PCDHA9: variants seen among roughly 807,000 people sequenced by gnomAD.
PCDHA9 encodes protocadherin alpha-9.
In PCDHA9, 62 loss-of-function variants were observed where a neutral mutation model predicts 62.0. The ratio of observed to expected loss-of-function variants is 1.00; its 90% confidence interval spans 0.81 to 1.23. The LOEUF is 1.23. Among genes scored for constraint, PCDHA9 ranks in the 50% most tolerant of loss-of-function variants. The pLI is 0.00. For synonymous variants in PCDHA9, 557 were observed against 567.6 expected, an observed-to-expected ratio of 0.98 and a Z score of 0.27; for missense variants, 1,205 against 1,249.8, an observed-to-expected ratio of 0.96 and a Z score of 0.54.
At chr5:140,967,046 C>T in intron 1 of PCDHA9, 1 of 1,612,334 alleles carries the variant, frequency 6.2e-7, no homozygotes, top group African/African-American at 1.3e-5. Context: ...GGAGCTGGAC[C>T]TGACGAGTGG....
chr5:140,906,021 A>G (rs1422492231), intron 1 of PCDHA9, among the ~76,000 whole-genome samples: 1 of 152,182 alleles, frequency 6.6e-6, no homozygotes, highest in African/African-American at 2.4e-5. Context: ...TAATCTCTCC[A>G]CGTTCTTCTG....
intron 1 of PCDHA9, chr5:140,968,973 C>T (rs1404110882): frequency 4.3e-6 from 7 of 1,614,076 alleles, no homozygotes; most frequent in African/African-American, 2.7e-5. Flanking sequence ...CGCTACACTG[C>T]GTATGGCACT....
intron 1 of PCDHA9, chr5:140,966,954 G>T (rs782541612): frequency 6.2e-7 from 1 of 1,601,606 alleles, no homozygotes; most frequent in Non-Finnish European, 8.5e-7. Flanking sequence ...AACGTGGCTC[G>T]CGCGCTGGGG....
At chr5:140,869,849 T>C in intron 1 of PCDHA9, 3 of 1,611,006 alleles carry the variant, frequency 1.9e-6, no homozygotes, top group African/African-American at 1.3e-5. Context: ...GAATATAAGG[T>C]GAGCCTTATG....
intron 1 of PCDHA9, among the ~76,000 whole-genome samples, chr5:140,915,886 T>G (rs1259377999): frequency 2.6e-5 from 4 of 152,186 alleles, no homozygotes; most frequent in Admixed American, 6.5e-5. Flanking sequence ...GGGTAGCAAG[T>G]TCCCCCTGGC....
chr5:140,890,452 G>A (rs72800989), intron 1 of PCDHA9, among the ~76,000 whole-genome samples: 2,230 of 151,860 alleles, frequency 0.015, 28 homozygotes, highest in Non-Finnish European at 0.022. Context: ...GATATCTTTA[G>A]GCACAAATAT....
intron 1 of PCDHA9, among the ~76,000 whole-genome samples, chr5:140,889,199 T>C (rs1399579598): frequency 1.3e-5 from 2 of 151,896 alleles, no homozygotes; most frequent in African/African-American, 4.8e-5. Context: ...ATAACTTGAA[T>C]ACTTAACAAA....
chr5:140,855,898 G>A (rs1376080339), intron 1 of PCDHA9: 3 of 1,069,996 alleles, frequency 2.8e-6, no homozygotes, highest in African/African-American at 1.6e-5. Context: ...AAAGGCATCA[G>A]CCAGTTTCTC....
At chr5:140,883,466 A>G (rs782104317) in intron 1 of PCDHA9, 43 of 1,614,010 alleles carry the variant, frequency 2.7e-5, no homozygotes, top group Non-Finnish European at 3.5e-5. Context: ...GCTGGTGTCC[A>G]CCTACAAGAA....
intron 1 of PCDHA9, chr5:140,877,657 G>A: frequency 6.2e-7 from 1 of 1,613,570 alleles, no homozygotes; most frequent in Non-Finnish European, 8.5e-7. Flanking sequence ...GCCGCCCACC[G>A]TGAGCCGGTG....
chr5:140,997,123 A>T (rs1409528818), intron 3 of PCDHA9, among the ~76,000 whole-genome samples: 1 of 152,070 alleles, frequency 6.6e-6, no homozygotes, highest in African/African-American at 2.4e-5. Flanking sequence ...TCCCACATAC[A>T]CAATGCCCCC....
chr5:140,858,015 C>T lies in PCDHA9; in HGVS notation c.2394+7126C>T, dbSNP rs781847343. ...GTGCTGGTGAAGGACCATGGCGAGC[C>T]GTCGCTGACGGCCACGGCCACTGTG... On this transcript the variant is annotated intron_variant, in intron 1 of 3. Transcript: ENST00000532602. The T allele has an allele frequency of 2.6e-5, 41 of 1,596,884 alleles. 4 individuals carry two copies. Among genetic ancestry groups the T allele is most frequent in the South Asian group, 1.2e-4 (11 of 90,482 alleles).
intron 1 of PCDHA9, chr5:140,851,996 G>C: frequency 1.0e-6 from 1 of 976,024 alleles, no homozygotes; most frequent in Non-Finnish European, 1.2e-6. Flanking sequence ...CTATTTGTTT[G>C]TTTTCTAATT....
At chr5:140,857,489 G>A (rs1168742927) in intron 1 of PCDHA9, 3 of 1,598,334 alleles carry the variant, frequency 1.9e-6, no homozygotes, top group African/African-American at 1.3e-5. Context: ...TGCGTGGGAC[G>A]CGGACGCGCA....
At chr5:140,995,570 A>G (rs186345842) in intron 3 of PCDHA9, among the ~76,000 whole-genome samples, 1 of 152,210 alleles carries the variant, frequency 6.6e-6, no homozygotes, top group African/African-American at 2.4e-5. Flanking sequence ...ATATGTCAAG[A>G]TGAGCTATGA....
intron 1 of PCDHA9, chr5:140,968,823 A>T (rs569036779): frequency 1.2e-6 from 2 of 1,614,192 alleles, no homozygotes; most frequent in Non-Finnish European, 8.5e-7. Context: ...AGGGTTTCCA[A>T]AATCCTCCCT....
intron 1 of PCDHA9, chr5:140,866,668 AT>A (rs2049485821): frequency 1.3e-5 from 2 of 152,156 alleles, no homozygotes; most frequent in African/African-American, 2.4e-5. Flanking sequence ...TCAAGAAATA[AT>A]AGCACTAGGT....
chr5:140,897,877 C>T (rs1554187641), intron 1 of PCDHA9, among the ~76,000 whole-genome samples: 1 of 152,154 alleles, frequency 6.6e-6, no homozygotes, highest in Non-Finnish European at 1.5e-5. Flanking sequence ...TAATGATTGC[C>T]ATTCTAACTG....
chr5:140,928,379 G>C, intron 1 of PCDHA9: 1 of 1,614,172 alleles, frequency 6.2e-7, no homozygotes, highest in Non-Finnish European at 8.5e-7. Flanking sequence ...TCAGCCTCTA[G>C]CTTGCTGGCA....
Sources: allele counts gnomAD v4.1 joint callset (sites outside exome capture counted in the v4.1 genomes callset), GRCh38; gene constraint gnomAD v4.1.1; transcripts MANE v1.5; gene names NCBI Gene and HGNC (gene_info 2026-07-23, HGNC 2026-07-21).